Variants in CYP2C18 observed in about 807,000 individuals in gnomAD.
The protein encoded by CYP2C18 is cytochrome P450 family 2 subfamily C member 18.
A neutral mutation model predicts 41.3 loss-of-function variants in CYP2C18; 38 were observed. The observed-to-expected ratio is 0.92, with a 90% confidence interval of 0.71 to 1.21. The LOEUF is 1.21. Ranked by LOEUF, CYP2C18 falls within the 50% of genes most tolerant of loss-of-function variation. The pLI, the probability that CYP2C18 is intolerant of heterozygous loss-of-function variation, is 0.00. For missense variants in CYP2C18, 635 were observed against 591.4 expected, an observed-to-expected ratio of 1.07 and a Z score of -0.77; for synonymous variants, 236 against 210.0, an observed-to-expected ratio of 1.12 and a Z score of -1.07.
intron 3 of CYP2C18, among the ~76,000 whole-genome samples, chr10:94,690,816 C>G (rs182449158): frequency 1.3e-5 from 2 of 152,280 alleles, no homozygotes; most frequent in South Asian, 2.1e-4. Context: ...ACACAAAAAG[C>G]TTATCCACCA....
At chr10:94,718,641 A>G (rs941187993) in intron 5 of CYP2C18, among the ~76,000 whole-genome samples, 17 of 152,124 alleles carry the variant, frequency 1.1e-4, no homozygotes, top group Admixed American at 3.9e-4. Flanking sequence ...AGCAATTTGC[A>G]GGACATGCTA....
intron 5 of CYP2C18, among the ~76,000 whole-genome samples, chr10:94,710,960 T>C (rs1847426447): frequency 6.6e-6 from 1 of 152,190 alleles, no homozygotes; most frequent in Admixed American, 6.6e-5. Flanking sequence ...ATTGTTATGG[T>C]CAATTTTGTG....
At chr10:94,716,950 T>A (rs1847558828) in intron 5 of CYP2C18, among the ~76,000 whole-genome samples, 1 of 152,188 alleles carries the variant, frequency 6.6e-6, no homozygotes, top group Non-Finnish European at 1.5e-5. Context: ...CTTGTTTGTG[T>A]CTTTCGATCT....
chr10:94,733,600 C>T (rs1022654783), intron 8 of CYP2C18, 162 bp downstream of exon 8: 58 of 985,156 alleles, frequency 5.9e-5, no homozygotes, highest in Non-Finnish European at 6.7e-5. Flanking sequence ...TGAACATCCC[C>T]ATTATTGGGC....
At position 94,724,379 on chromosome 10, in the gene CYP2C18, GC is replaced by G. The variant is rs746629797; in HGVS notation, c.996del (p.Arg333GlufsTer38). 6.2e-7 allele frequency: 1 copy of G among 1,613,326 alleles called. No homozygotes were observed. Among genetic ancestry groups the G allele is most frequent in the Non-Finnish European group, 8.5e-7 (1 of 1,179,602 alleles). ...CAGGAAGAGATTGAATGTGTAGTTGGCAGAAACCGGAGCCCCTGTATGCAGG... is the reference window on the plus strand; with the variant it reads ...CAGGAAGAGATTGAATGTGTAGTTGGAGAAACCGGAGCCCCTGTATGCAGG... ...KVQEEIECVV[G>X]RNRSPCMQDR... On this transcript the variant is annotated frameshift_variant, in exon 7 of 9. Coordinates refer to ENST00000285979, the MANE Select transcript of CYP2C18 (RefSeq NM_000772.3). LOFTEE classifies it high-confidence loss of function.
At chr10:94,699,128 G>A (rs1230301115) in intron 4 of CYP2C18, among the ~76,000 whole-genome samples, 1 of 152,064 alleles carries the variant, frequency 6.6e-6, no homozygotes, top group Non-Finnish European at 1.5e-5. Context: ...AATGCATTTG[G>A]TGAGGCCAGC....
At chr10:94,687,458 G>T (rs1320167863) in intron 1 of CYP2C18, among the ~76,000 whole-genome samples, 5 of 152,102 alleles carry the variant, frequency 3.3e-5, no homozygotes, top group Non-Finnish European at 7.4e-5. Flanking sequence ...TATCAGCTGT[G>T]GGACACTGGC....
At chr10:94,688,925 A>G (rs1256780478) in intron 3 of CYP2C18, among the ~76,000 whole-genome samples, 2 of 152,134 alleles carry the variant, frequency 1.3e-5, no homozygotes, top group East Asian at 1.9e-4. Flanking sequence ...AACAACTGAC[A>G]TGTACTTTCA....
At chr10:94,720,333 A>AT (rs1424030111) in intron 5 of CYP2C18, 63 bp from the exon 6 acceptor site, 16 of 1,452,330 alleles carry the variant, frequency 1.1e-5, no homozygotes, top group East Asian at 4.9e-5. Flanking sequence ...TATATTTTGG[A>AT]TTTTTTGTAA....
chr10:94,717,867 G>A (rs58589214), intron 5 of CYP2C18, among the ~76,000 whole-genome samples: 3,845 of 152,094 alleles, frequency 0.025, 149 homozygotes, highest in African/African-American at 0.075. Flanking sequence ...TTGTAGTATA[G>A]CTTGAAATCA....
At chr10:94,712,008 A>ATTTTTTTTTTTTTTTTTTCTTTTTTTT (rs1847444544) in intron 5 of CYP2C18, among the ~76,000 whole-genome samples, 1 of 97,874 alleles carries the variant, frequency 1.0e-5, no homozygotes, top group Non-Finnish European at 2.0e-5. Context: ...TGCCCAACTA[A>ATTTTTTTTTTTTTTTTTTCTTTTTTTT]TTTTTTTTTT....
intron 6 of CYP2C18, among the ~76,000 whole-genome samples, chr10:94,723,381 G>C (rs887464542): frequency 2.0e-5 from 3 of 152,028 alleles, no homozygotes; most frequent in Admixed American, 1.3e-4. Flanking sequence ...TGTGAGGGAA[G>C]ACATTAAGGG....
At chr10:94,700,204 A>G (rs1477173261) in intron 4 of CYP2C18, among the ~76,000 whole-genome samples, 1 of 152,262 alleles carries the variant, frequency 6.6e-6, no homozygotes, top group Non-Finnish European at 1.5e-5. Flanking sequence ...AGCTGGAGGC[A>G]TCACACTACC....
rs1847036029 is a variant in CYP2C18 at position 94,692,949 on chromosome 10, T to C, written c.482-1968T>C. 2.7e-5 allele frequency among the ~76,000 whole-genome samples: 4 copies of C among 149,058 alleles called. No individual in the cohort carries two copies. In the Admixed American group the frequency reaches 2.7e-4, roughly 10 times the overall value. Reference sequence around the variant, plus strand: ...AACATCACATGTTCTCACTCATAGGTGGGAATTGAACAATGAGAACACATG... The same window carrying C: ...AACATCACATGTTCTCACTCATAGGCGGGAATTGAACAATGAGAACACATG... On this transcript the variant is annotated intron_variant, in intron 3 of 8. Transcript: ENST00000285979.
intron 7 of CYP2C18, among the ~76,000 whole-genome samples, chr10:94,729,455 CA>C (rs1345799095): frequency 6.6e-6 from 1 of 151,716 alleles, no homozygotes; most frequent in African/African-American, 2.4e-5. Context: ...TATGCTGTGG[CA>C]AAAAGCATTA....
Position 94,688,704 on chromosome 10 carries a change from G to C in CYP2C18, c.481+430G>C, listed in dbSNP as rs149756523. Among the ~76,000 whole-genome samples the C allele has an allele frequency of 1.7e-4, 26 of 152,250 alleles. No individual in the cohort carries two copies. The East Asian group carries it at 5.0e-3, about 29-fold the overall frequency. On this transcript the variant is annotated intron_variant, in intron 3 of 8. Coordinates refer to ENST00000285979, the MANE Select transcript of CYP2C18 (RefSeq NM_000772.3). Reference sequence around the variant, plus strand: ...TATGCATACGCTGTGAGTATAAAAGGCTCATTTAATCCTATTGTGTCCCAG... The same window carrying C: ...TATGCATACGCTGTGAGTATAAAAGCCTCATTTAATCCTATTGTGTCCCAG...
chr10:94,720,178 A>G (rs1267305415), intron 5 of CYP2C18, among the ~76,000 whole-genome samples: 1 of 152,184 alleles, frequency 6.6e-6, no homozygotes, highest in Non-Finnish European at 1.5e-5. Flanking sequence ...AAAGATATTC[A>G]GAAATAGAAT....
chr10:94,703,653 G>T (rs891342537), intron 4 of CYP2C18, among the ~76,000 whole-genome samples: 1 of 152,184 alleles, frequency 6.6e-6, no homozygotes, highest in African/African-American at 2.4e-5. Flanking sequence ...CAAGCTAGTG[G>T]ATCTTAGCTT....
intron 6 of CYP2C18, among the ~76,000 whole-genome samples, chr10:94,723,667 T>A (rs1847685143): frequency 6.6e-6 from 1 of 152,132 alleles, no homozygotes; most frequent in Non-Finnish European, 1.5e-5. Context: ...GTGGGGGAAG[T>A]GTGAATGTGT....
Sources: allele counts gnomAD v4.1 joint callset (sites outside exome capture counted in the v4.1 genomes callset), GRCh38; gene constraint gnomAD v4.1.1; transcripts MANE v1.5; gene names NCBI Gene and HGNC (gene_info 2026-07-23, HGNC 2026-07-21).